RAB3B: variants seen among roughly 807,000 people sequenced by gnomAD.
The protein encoded by RAB3B is ras-related protein Rab-3B.
RAB3B carries 11 observed loss-of-function variants against 20.5 expected under a neutral mutation model. That is an observed-to-expected ratio of 0.54 (90% confidence interval 0.34 to 0.89). RAB3B has a LOEUF of 0.89. RAB3B is among the 40% of genes least tolerant of loss of function. The probability of loss-of-function intolerance (pLI) is 0.02; values close to 1 mark genes in which losing one functional copy is unlikely to be tolerated. For missense variants in RAB3B, 225 were observed against 280.9 expected (o/e 0.80, Z 1.42); for synonymous variants, 99 against 106.3 (o/e 0.93, Z 0.42).
At chr1:51,965,646 C>CA (rs68111431) in intron 2 of RAB3B, among the ~76,000 whole-genome samples, 2,778 of 115,266 alleles carry the variant, frequency 0.024, 91 homozygotes, top group African/African-American at 0.083. Flanking sequence ...GGCTCCATCT[C>CA]AAAAAAAAAA....
At chr1:51,939,470 A>G (rs1234711628) in intron 2 of RAB3B, among the ~76,000 whole-genome samples, 1 of 152,108 alleles carries the variant, frequency 6.6e-6, no homozygotes, top group Non-Finnish European at 1.5e-5. Context: ...CTCAAGCTAG[A>G]GAGCAGTGGC....
In RAB3B at chr1:51,933,342, C is replaced by T. The variant is rs1684352799; in HGVS notation, c.448G>A (p.Gly150Ser). 6.2e-7 allele frequency: 1 copy of T among 1,614,080 alleles called. No homozygotes were observed. The highest frequency in any genetic ancestry group is 8.5e-7 in the Non-Finnish European group (1 of 1,180,012). The change falls in exon 4 of 5, where the codon GGC becomes AGC. Residue 150 changes from glycine to serine, a missense_variant. Physicochemically the swap from Gly to Ser is moderately conservative, Grantham distance 56. Transcript: ENST00000371655. Reference protein sequence around the residue: ...EEERVVPTEKGQLLAEQLGFD... With the variant: ...EEERVVPTEKSQLLAEQLGFD... ...CCAAGCTGCTCTGCAAGGAGCTGGCCCTTCTCAGTGGGAACAACCCTCTCT... is the reference window on the plus strand; with the variant it reads ...CCAAGCTGCTCTGCAAGGAGCTGGCTCTTCTCAGTGGGAACAACCCTCTCT...
intron 2 of RAB3B, among the ~76,000 whole-genome samples, chr1:51,975,329 T>G (rs950744546): frequency 4.6e-5 from 7 of 152,232 alleles, no homozygotes; most frequent in Non-Finnish European, 1.0e-4. Flanking sequence ...ATCTACATGT[T>G]GCTATATCAT....
In RAB3B at chr1:51,919,348, A is replaced by C. The variant is rs1341939162; in HGVS notation, c.*579T>G. 6.6e-6 allele frequency: 1 copy of C among 152,382 alleles called. No individual in the cohort carries two copies. Among genetic ancestry groups the C allele is most frequent in the Non-Finnish European group, 1.5e-5 (1 of 68,168 alleles). The allele number at this position is 152,382 out of a possible 1,614,324, so 9.4% of individuals were successfully genotyped here. On this transcript the variant is annotated 3_prime_UTR_variant, in exon 5 of 5. Transcript: ENST00000371655. The stretch of plus-strand genomic sequence containing the variant: ...TCCTTCAGCATCATTAGAGAGTCTG[A>C]GCTCTCTGAAGATTAGCTCTTCCTG...
chr1:51,975,498 G>C (rs977769899), intron 2 of RAB3B, among the ~76,000 whole-genome samples: 6 of 152,130 alleles, frequency 3.9e-5, no homozygotes, highest in Non-Finnish European at 8.8e-5. Flanking sequence ...CCAACAGAAC[G>C]CTGTAAGGCT....
intron 1 of RAB3B, among the ~76,000 whole-genome samples, chr1:51,981,624 T>C (rs1685089254): frequency 6.6e-6 from 1 of 152,376 alleles, no homozygotes; most frequent in Non-Finnish European, 1.5e-5. Context: ...ATATATGGTA[T>C]GTTATCATTT....
In RAB3B at chr1:51,980,331, A is replaced by G. The variant is rs2124315799; in HGVS notation, c.1-3214T>C. On this transcript the variant is annotated intron_variant, in intron 1 of 4. Coordinates refer to ENST00000371655, the MANE Select transcript of RAB3B (RefSeq NM_002867.4). ...TAATCCCAGCTGCTTGGGAGGCTGA[A>G]GCAGGAGTATTATTTGAGCCCAGAA... The G allele has an allele frequency of 1.0e-5, 3 of 297,020 alleles. No homozygotes were observed. In the East Asian group the frequency reaches 2.7e-4, roughly 27 times the overall value. The allele number at this position is 297,020 out of a possible 1,614,324, so 18.4% of individuals were successfully genotyped here. A position where few individuals can be genotyped will look rare whatever the true frequency, so the allele number is the denominator to read the frequency against.
At chr1:51,930,515 T>C (rs1684307806) in intron 4 of RAB3B, among the ~76,000 whole-genome samples, 1 of 152,218 alleles carries the variant, frequency 6.6e-6, no homozygotes, top group Non-Finnish European at 1.5e-5. Flanking sequence ...TGTGTGACTT[T>C]GGCAAGTTAC....
In RAB3B at chr1:51,914,981, A is replaced by G. The variant is rs1447139998; in HGVS notation, c.*4946T>C. The G allele has an allele frequency of 6.6e-6, 1 of 152,232 alleles. No homozygotes were observed. The highest frequency in any genetic ancestry group is 1.5e-5 in the Non-Finnish European group (1 of 68,054). 9.4% of individuals were successfully genotyped at this position (152,232 alleles called of 1,614,324 possible). On this transcript the variant is annotated 3_prime_UTR_variant, in exon 5 of 5. Coordinates refer to ENST00000371655, the MANE Select transcript of RAB3B (RefSeq NM_002867.4). ...CTTCGGTCACCAAGCAATTGTGGCT[A>G]TTTAATTAACTGAGGTTATTTAACT...
chr1:51,989,378 T>G (rs974655041), intron 1 of RAB3B, among the ~76,000 whole-genome samples: 3 of 151,812 alleles, frequency 2.0e-5, no homozygotes, highest in Non-Finnish European at 4.4e-5. Flanking sequence ...GATGACTTTT[T>G]CTGTCCACGA....
At chr1:51,980,734 T>C in intron 1 of RAB3B, 1 of 755,732 alleles carries the variant, frequency 1.3e-6, no homozygotes, top group Admixed American at 1.7e-5. Flanking sequence ...CAGGAATCGA[T>C]CTCATGAAGC....
chr1:51,969,200 G>A (rs1684895262), intron 2 of RAB3B, among the ~76,000 whole-genome samples: 1 of 152,214 alleles, frequency 6.6e-6, no homozygotes. Context: ...GTGAGGCTAA[G>A]GTGGGAGGAT....
intron 2 of RAB3B, among the ~76,000 whole-genome samples, chr1:51,974,211 T>C (rs1259315723): frequency 6.6e-6 from 1 of 152,216 alleles, no homozygotes; most frequent in African/African-American, 2.4e-5. Context: ...TGCATGGAAC[T>C]GTAAGGATGA....
chr1:51,963,428 C>G (rs1684808818), intron 2 of RAB3B, among the ~76,000 whole-genome samples: 1 of 152,192 alleles, frequency 6.6e-6, no homozygotes, highest in South Asian at 2.1e-4. Context: ...CAAAACCACA[C>G]TTTACTTAAA....
chr1:51,923,860 A>G (rs766631283), intron 4 of RAB3B, among the ~76,000 whole-genome samples: 20 of 152,154 alleles, frequency 1.3e-4, no homozygotes, highest in Non-Finnish European at 1.9e-4. Flanking sequence ...AAATGAATAC[A>G]CAAATAAATT....
intron 1 of RAB3B, among the ~76,000 whole-genome samples, chr1:51,989,189 G>A (rs1015528987): frequency 1.4e-5 from 2 of 144,120 alleles, no homozygotes; most frequent in Non-Finnish European, 3.0e-5. Flanking sequence ...GAAGCCGGGG[G>A]AAGAGGGCCC....
chr1:51,963,846 T>TC (rs920579271), intron 2 of RAB3B, among the ~76,000 whole-genome samples: 2 of 152,200 alleles, frequency 1.3e-5, no homozygotes, highest in Admixed American at 1.3e-4. Flanking sequence ...TGTAATCCTA[T>TC]CCCCTCTCCC....
intron 2 of RAB3B, among the ~76,000 whole-genome samples, chr1:51,949,846 G>C (rs1465826539): frequency 6.6e-6 from 1 of 152,192 alleles, no homozygotes; most frequent in Non-Finnish European, 1.5e-5. Flanking sequence ...AGGGCAGGGG[G>C]CCACAGTGCC....
In RAB3B at chr1:51,989,103, G is replaced by GCGCGCA. The variant is rs377673682; in HGVS notation, c.-1+1448_-1+1449insTGCGCG. 5.5e-3 allele frequency among the ~76,000 whole-genome samples: 736 copies of GCGCGCA among 132,754 alleles called. 12 individuals are homozygous for GCGCGCA. The highest frequency in any genetic ancestry group is 0.019 in the African/African-American group (686 of 35,918). 87.1% of individuals were successfully genotyped at this position (132,754 alleles called of 152,430 possible). A position where few individuals can be genotyped will look rare whatever the true frequency, so the allele number is the denominator to read the frequency against. ...CAGGTGGACACCCACCTGTGCGCGC[G>GCGCGCA]CACACACACACACACACACACACAC... On this transcript the variant is annotated intron_variant, in intron 1 of 4. Transcript: ENST00000371655.
Sources: gnomAD v4.1 joint callset for allele counts (sites outside exome capture counted in the v4.1 genomes callset) on GRCh38, gnomAD v4.1.1 for gene constraint, MANE v1.5 for transcripts, NCBI Gene and HGNC (gene_info 2026-07-23, HGNC 2026-07-21) for gene names.